Variants in C10orf90 observed in about 807,000 individuals in gnomAD.
C10orf90 encodes chromosome 10 open reading frame 90.
Under a neutral mutation model 62.5 loss-of-function variants are expected in C10orf90, and 56 were observed. The observed-to-expected ratio is 0.90, with a 90% CI of 0.72 to 1.12. The LOEUF is 1.12. C10orf90 is among the 50% of genes most tolerant of loss of function. The pLI, the probability that C10orf90 is intolerant of heterozygous loss-of-function variation, is 0.00. For synonymous variants in C10orf90, 386 were observed against 340.4 expected, an observed-to-expected ratio of 1.13 and a Z score of -1.47; for missense variants, 970 against 880.4, an observed-to-expected ratio of 1.10 and a Z score of -1.29.
rs144291584 is a variant in C10orf90, at chr10:126,504,115, C to T, written c.1376G>A (p.Trp459Ter). ...RVHLGTGACP[W>*]SGSFPLENTE... ...GTTTTCCAATGGAAAAGAACCACTC[C>T]AAGGACAAGCGCCGGTCCCCAAATG... Residue 459 changes from tryptophan to a stop codon, truncating the protein, a stop_gained, in exon 4 of 10, where the codon TGG becomes TAG. Coordinates refer to ENST00000488181, the MANE Select transcript of C10orf90 (RefSeq NM_001350921.2). LOFTEE classifies it high-confidence loss of function. This position sits in a 1 kb window ranked among gnomAD's most constrained non-coding sequence, Gnocchi z 4.1. 40 of 1,613,986 alleles carry T rather than the reference C, an allele frequency of 2.5e-5. No homozygotes were observed. Among genetic ancestry groups the T allele is most frequent in the Non-Finnish European group, 3.3e-5 (39 of 1,180,034 alleles).
intron 1 of C10orf90, among the ~76,000 whole-genome samples, chr10:126,668,953 C>T (rs1401128522): frequency 2.6e-5 from 4 of 152,046 alleles, no homozygotes; most frequent in South Asian, 2.1e-4. Flanking sequence ...ACGAAGAAAA[C>T]GAGAATGCCA....
chr10:126,504,200 G>C lies in C10orf90; in HGVS notation c.1291C>G (p.Arg431Gly), dbSNP rs201563352. The C allele has an allele frequency of 6.2e-7, 1 of 1,613,996 alleles. No individual in the cohort carries two copies. The highest frequency in any genetic ancestry group is 1.7e-5 in the Admixed American group (1 of 59,992). ...LEGDQDLVGQRWNPGLQESHL... is the reference protein window; with the variant it reads ...LEGDQDLVGQGWNPGLQESHL... ...CTTTCTTGTAAACCTGGGTTCCAGC[G>C]CTGGCCTACGAGGTCCTGGTCTCCC... The change falls in exon 4 of 10, where the codon CGC (arginine) becomes GGC (glycine). Residue 431 changes from arginine (R) to glycine (G), a missense_variant. Transcript: ENST00000488181. The surrounding 1 kb of genome is among the most constrained non-coding windows in gnomAD (Gnocchi z 4.1).
At chr10:126,455,353 T>C (rs1175995496) in intron 7 of C10orf90, among the ~76,000 whole-genome samples, 1 of 152,172 alleles carries the variant, frequency 6.6e-6, no homozygotes. Context: ...TTCTCCCCCA[T>C]GTTGGGAACG....
chr10:126,633,424 C>T (rs1175902331), intron 2 of C10orf90, among the ~76,000 whole-genome samples: 2 of 152,230 alleles, frequency 1.3e-5, no homozygotes, highest in Admixed American at 1.3e-4. Flanking sequence ...ATGGGATGGC[C>T]TGATGAACAT....
intron 2 of C10orf90, among the ~76,000 whole-genome samples, chr10:126,572,637 T>C (rs1011815874): frequency 6.6e-6 from 1 of 152,134 alleles, no homozygotes; most frequent in Non-Finnish European, 1.5e-5. Flanking sequence ...GTCAGCTCCT[T>C]TACTGCAACT....
chr10:126,630,216 T>G (rs1212372238), intron 2 of C10orf90, among the ~76,000 whole-genome samples: 1 of 152,180 alleles, frequency 6.6e-6, no homozygotes, highest in Non-Finnish European at 1.5e-5. Context: ...GCCCTCGTAC[T>G]TCACCAACAC....
At chr10:126,485,035 C>G (rs1190846403) in intron 4 of C10orf90, among the ~76,000 whole-genome samples, 1 of 152,152 alleles carries the variant, frequency 6.6e-6, no homozygotes, top group Admixed American at 6.5e-5. Context: ...AGTTCATGTT[C>G]GTACCAAATT....
At chr10:126,640,797 G>T (rs1315326870) in intron 2 of C10orf90, among the ~76,000 whole-genome samples, 2 of 152,204 alleles carry the variant, frequency 1.3e-5, no homozygotes, top group Admixed American at 6.5e-5. Flanking sequence ...AACCCAGAAG[G>T]ATAAATCAGA....
rs984634966 is a variant in C10orf90, at chr10:126,425,798, A to G, written c.*66T>C. On this transcript the variant is annotated 3_prime_UTR_variant, in exon 10 of 10. Coordinates refer to ENST00000488181, the MANE Select transcript of C10orf90 (RefSeq NM_001350921.2). ...CCATGATGAAGATAATGCTAAGTTT[A>G]ATGGCTTATCCAGCATTCGAAGTCC... 2 of 1,493,264 alleles carry G rather than the reference A, an allele frequency of 1.3e-6. No individual in the cohort carries two copies. The highest frequency in any genetic ancestry group is 1.8e-6 in the Non-Finnish European group (2 of 1,098,852). 92.5% of individuals were successfully genotyped at this position (1,493,264 alleles called of 1,614,324 possible).
rs915018588 is a variant in C10orf90, at chr10:126,496,789, C to A, written c.1534+7168G>T. Reference sequence around the variant, plus strand: ...TAAGGGATCGTGACATAAGCATGGGCTTTGTTGGGTCATCAACGTAACCTG... The same window carrying A: ...TAAGGGATCGTGACATAAGCATGGGATTTGTTGGGTCATCAACGTAACCTG... On this transcript the variant is annotated intron_variant, in intron 4 of 9. Transcript: ENST00000488181. 7 of 865,922 alleles carry A rather than the reference C, an allele frequency of 8.1e-6. No individual in the cohort carries two copies. In the Admixed American group the frequency reaches 3.1e-4, roughly 38 times the overall value. 53.6% of individuals were successfully genotyped at this position (865,922 alleles called of 1,614,324 possible).
chr10:126,547,049 C>T (rs2133973158), intron 2 of C10orf90, among the ~76,000 whole-genome samples: 1 of 152,202 alleles, frequency 6.6e-6, no homozygotes, highest in South Asian at 2.1e-4. Flanking sequence ...GTGGAGATTG[C>T]AATGAGCCAA....
chr10:126,549,080 T>A (rs1864570145), intron 2 of C10orf90, among the ~76,000 whole-genome samples: 1 of 152,140 alleles, frequency 6.6e-6, no homozygotes, highest in African/African-American at 2.4e-5. Context: ...TTAAAGGAAA[T>A]CTTTGGAATC....
intron 2 of C10orf90, among the ~76,000 whole-genome samples, chr10:126,625,852 C>T (rs1028192055): frequency 2.6e-5 from 4 of 152,082 alleles, no homozygotes; most frequent in Non-Finnish European, 5.9e-5. Flanking sequence ...CAGTGGCTCA[C>T]GCCTGTAATC....
At chr10:126,517,325 A>G (rs905023915) in intron 2 of C10orf90, among the ~76,000 whole-genome samples, 1 of 152,244 alleles carries the variant, frequency 6.6e-6, no homozygotes, top group African/African-American at 2.4e-5. Context: ...AAAATAGTAA[A>G]GTTGTAACTG....
chr10:126,668,515 A>G (rs1490476995), intron 1 of C10orf90, among the ~76,000 whole-genome samples: 1 of 152,242 alleles, frequency 6.6e-6, no homozygotes, highest in Non-Finnish European at 1.5e-5. Context: ...ATGTCATGGT[A>G]GGAATAACAT....
At chr10:126,506,331 C>T (rs1027952332) in intron 3 of C10orf90, among the ~76,000 whole-genome samples, 8 of 152,250 alleles carry the variant, frequency 5.3e-5, no homozygotes, top group Non-Finnish European at 1.0e-4. Context: ...TACACCCCAG[C>T]ACTTAGTGAA....
chr10:126,622,013 G>T (rs570978416), intron 2 of C10orf90, among the ~76,000 whole-genome samples: 2 of 151,570 alleles, frequency 1.3e-5, no homozygotes, highest in South Asian at 4.2e-4. Context: ...AGCAAGCATC[G>T]TCCTGGCCTA....
chr10:126,660,431 C>T (rs753139853), intron 1 of C10orf90, among the ~76,000 whole-genome samples: 3 of 152,326 alleles, frequency 2.0e-5, no homozygotes, highest in South Asian at 2.1e-4. Context: ...GAGCTGCCCA[C>T]GGCTAGAGCC....
chr10:126,448,123 G>A (rs867408533), intron 7 of C10orf90, among the ~76,000 whole-genome samples: 1 of 146,718 alleles, frequency 6.8e-6, no homozygotes, highest in Non-Finnish European at 1.5e-5. Flanking sequence ...CCCTGCCTCG[G>A]CCTCCCAAAA....
Sources: gnomAD v4.1 joint callset for allele counts (sites outside exome capture counted in the v4.1 genomes callset) on GRCh38, gnomAD v4.1.1 for gene constraint, Gnocchi (gnomAD v3.1) non-coding constraint, MANE v1.5 for transcripts, NCBI Gene and HGNC (gene_info 2026-07-23, HGNC 2026-07-21) for gene names.